Variants in CDCA2 observed in about 807,000 individuals in gnomAD.
CDCA2 encodes the protein cell division cycle-associated protein 2.
CDCA2 carries 44 observed loss-of-function variants against 67.0 expected under a neutral mutation model. The observed-to-expected ratio is 0.66, with a 90% confidence interval of 0.52 to 0.84. The LOEUF (loss-of-function observed/expected upper bound fraction) is 0.84. Among genes scored for constraint, CDCA2 ranks in the 40% least tolerant of loss-of-function variants. The pLI, the probability that CDCA2 is intolerant of heterozygous loss-of-function variation, is 0.00. For synonymous variants in CDCA2, 447 were observed against 418.7 expected (o/e 1.07, Z -0.82); for missense variants, 1,253 against 1,203.2 (o/e 1.04, Z -0.61).
At chr8:25,464,740 A>G (rs1313147543) in intron 4 of CDCA2, among the ~76,000 whole-genome samples, 1 of 152,230 alleles carries the variant, frequency 6.6e-6, no homozygotes, top group East Asian at 1.9e-4. Context: ...AATTGTATGA[A>G]TTTGAGATCA....
At chr8:25,472,137 C>A (rs541242220) in intron 7 of CDCA2, 1 of 152,356 alleles carries the variant, frequency 6.6e-6, no homozygotes, top group African/African-American at 2.4e-5. Flanking sequence ...TCCAACTCAG[C>A]GAATCTCCCT....
chr8:25,489,326 C>G (rs1362246701), intron 13 of CDCA2, among the ~76,000 whole-genome samples: 1 of 152,188 alleles, frequency 6.6e-6, no homozygotes, highest in Non-Finnish European at 1.5e-5. Flanking sequence ...CCTGTCCATC[C>G]AGCCTATTCA....
intron 4 of CDCA2, 63 bp downstream of exon 4, chr8:25,462,271 A>C: frequency 6.6e-7 from 1 of 1,504,326 alleles, no homozygotes; most frequent in Non-Finnish European, 9.2e-7. Context: ...CTTTCTTTAC[A>C]CCTTCTAGTG....
Sources: allele counts gnomAD v4.1 joint callset (sites outside exome capture counted in the v4.1 genomes callset), GRCh38; gene constraint gnomAD v4.1.1; transcripts MANE v1.5; gene names NCBI Gene and HGNC (gene_info 2026-07-23, HGNC 2026-07-21).